Variants in MCHR2 observed in about 807,000 individuals in gnomAD.
MCHR2 encodes melanin-concentrating hormone receptor 2.
A neutral mutation model predicts 24.8 loss-of-function variants in MCHR2; 15 were observed. The ratio of observed to expected loss-of-function variants is 0.60; its 90% CI spans 0.40 to 0.93. The LOEUF is 0.93. Ranked by LOEUF, MCHR2 falls within the 40% of genes least tolerant of loss-of-function variation. The pLI is 0.00. For synonymous variants in MCHR2, 151 were observed against 147.6 expected, an observed-to-expected ratio of 1.02 and a Z score of -0.17; for missense variants, 386 against 408.7, an observed-to-expected ratio of 0.94 and a Z score of 0.48.
chr6:99,979,295 T>C (rs993471475), intron 1 of MCHR2, among the ~76,000 whole-genome samples: 6 of 152,138 alleles, frequency 3.9e-5, no homozygotes, highest in African/African-American at 1.2e-4. Context: ...AAAGAATCCC[T>C]GCACTTTGCT....
At chr6:99,928,939 A>G (rs1045156114) in intron 5 of MCHR2, among the ~76,000 whole-genome samples, 1 of 151,836 alleles carries the variant, frequency 6.6e-6, no homozygotes, top group Admixed American at 6.6e-5. Flanking sequence ...TAGGGTGTCA[A>G]TTTTGGATCT....
intron 1 of MCHR2, among the ~76,000 whole-genome samples, chr6:99,990,379 T>C (rs1390090054): frequency 3.3e-5 from 5 of 152,118 alleles, no homozygotes; most frequent in Non-Finnish European, 7.4e-5. Flanking sequence ...AAACACACTA[T>C]TTACCCTGTA....
chr6:99,971,703 T>G (rs928727934), intron 1 of MCHR2, among the ~76,000 whole-genome samples: 6 of 152,236 alleles, frequency 3.9e-5, no homozygotes, highest in Non-Finnish European at 7.3e-5. Flanking sequence ...GGGCTTGTCA[T>G]AGATAGCTCT....
intron 1 of MCHR2, among the ~76,000 whole-genome samples, chr6:99,988,434 T>A (rs1347425107): frequency 6.6e-6 from 1 of 152,188 alleles, no homozygotes; most frequent in African/African-American, 2.4e-5. Flanking sequence ...TTAAAGAAAG[T>A]GCAGTCCTTT....
At chr6:99,921,386 A>G in intron 5 of MCHR2, 131 bp from the exon 6 acceptor site, 2 of 770,064 alleles carry the variant, frequency 2.6e-6, no homozygotes, top group Middle Eastern at 2.4e-4. Context: ...TTATATTCCT[A>G]CTTACTTGGT....
intron 1 of MCHR2, among the ~76,000 whole-genome samples, chr6:99,961,133 A>T (rs546512548): frequency 6.6e-6 from 1 of 152,088 alleles, no homozygotes; most frequent in Non-Finnish European, 1.5e-5. Flanking sequence ...ACAAGAAAAA[A>T]ACAACAACCC....
intron 1 of MCHR2, among the ~76,000 whole-genome samples, chr6:99,984,162 A>G (rs1444572382): frequency 6.6e-6 from 1 of 152,146 alleles, no homozygotes; most frequent in Admixed American, 6.5e-5. Context: ...ACATATATAC[A>G]TACATATATA....
chr6:99,955,655 G>C (rs568224745), intron 2 of MCHR2, among the ~76,000 whole-genome samples: 1 of 152,034 alleles, frequency 6.6e-6, no homozygotes, highest in Non-Finnish European at 1.5e-5. Context: ...TGCATATCAG[G>C]AGTTTTTAAA....
intron 1 of MCHR2, among the ~76,000 whole-genome samples, chr6:99,966,387 C>T (rs527507978): frequency 6.6e-6 from 1 of 152,040 alleles, no homozygotes; most frequent in Non-Finnish European, 1.5e-5. Flanking sequence ...TTTGTGAATC[C>T]TTGTCATATT....
Position 99,934,473 on chromosome 6 carries a change from G to A in MCHR2, c.632C>T (p.Pro211Leu), listed in dbSNP as rs1446824506. Residue 211 changes from proline (P) to leucine (L), a missense_variant, in exon 5 of 6, where the codon CCC becomes CTC. Coordinates refer to ENST00000281806, the MANE Select transcript of MCHR2 (RefSeq NM_001040179.2). Reference sequence around the variant, plus strand: ...TAAAATATAGCACACCAAAATCAAGGGTAGAGGGAAAAAAAAAGTTGTTAT... The same window carrying A: ...TAAAATATAGCACACCAAAATCAAGAGTAGAGGGAAAAAAAAAGTTGTTAT... ...LTITTFFFPL[P>L]LILVCYILIL... 4 of 1,601,448 alleles carry A rather than the reference G, an allele frequency of 2.5e-6. No homozygotes were observed. Among genetic ancestry groups the A allele is most frequent in the Non-Finnish European group, 3.4e-6 (4 of 1,174,782 alleles).
intron 1 of MCHR2, among the ~76,000 whole-genome samples, chr6:99,968,100 A>T (rs1359811274): frequency 6.6e-6 from 1 of 152,196 alleles, no homozygotes; most frequent in Non-Finnish European, 1.5e-5. Flanking sequence ...AATTAATATC[A>T]GTTATTACAA....
chr6:99,972,083 A>G (rs1464231564), intron 1 of MCHR2, among the ~76,000 whole-genome samples: 16 of 152,122 alleles, frequency 1.1e-4, no homozygotes, highest in Non-Finnish European at 1.8e-4. Context: ...CATAAAATGA[A>G]TTAGGGAGGA....
intron 3 of MCHR2, among the ~76,000 whole-genome samples, chr6:99,947,143 G>A (rs909172741): frequency 1.3e-5 from 2 of 152,128 alleles, no homozygotes; most frequent in Non-Finnish European, 1.5e-5. Flanking sequence ...CCAAGACATA[G>A]TGGAATACAT....
chr6:99,931,897 G>C (rs996660590), intron 5 of MCHR2, among the ~76,000 whole-genome samples: 1 of 152,178 alleles, frequency 6.6e-6, no homozygotes, highest in African/African-American at 2.4e-5. Context: ...CGGTACCTCA[G>C]ATGGAAATGC....
Position 99,921,109 on chromosome 6 carries a change from T to C in MCHR2, c.854A>G (p.Tyr285Cys). The C allele has an allele frequency of 3.1e-6, 5 of 1,614,120 alleles. No individual in the cohort carries two copies. Among genetic ancestry groups the C allele is most frequent in the Non-Finnish European group, 4.2e-6 (5 of 1,179,996 alleles). ...LQMEQPTLAFYVGYYLSICLS... is the reference protein window; with the variant it reads ...LQMEQPTLAFCVGYYLSICLS... ...ACAGATGGAGAGGTAATAACCCACA[T>C]AGAAGGCCAGTGTGGGCTGTTCCAT... The change falls in exon 6 of 6, where the codon TAT (tyrosine) becomes TGT (cysteine). Residue 285 changes from tyrosine (Y) to cysteine (C), a missense_variant. Transcript: ENST00000281806.
At chr6:99,921,973 T>G (rs1307058848) in intron 5 of MCHR2, among the ~76,000 whole-genome samples, 1 of 152,212 alleles carries the variant, frequency 6.6e-6, no homozygotes, top group Admixed American at 6.5e-5. Flanking sequence ...GTTTTATGGC[T>G]GAATAGTACT....
At chr6:99,931,832 G>A (rs1388758713) in intron 5 of MCHR2, among the ~76,000 whole-genome samples, 2 of 152,144 alleles carry the variant, frequency 1.3e-5, no homozygotes, top group African/African-American at 2.4e-5. Flanking sequence ...CGCTCACGGT[G>A]CACTGCATCC....
At chr6:99,970,697 C>G (rs2114567377) in intron 1 of MCHR2, among the ~76,000 whole-genome samples, 1 of 152,254 alleles carries the variant, frequency 6.6e-6, no homozygotes, top group East Asian at 1.9e-4. Flanking sequence ...GGTTTTAGGT[C>G]TAACATGTAA....
In MCHR2 at chr6:99,920,871, C is replaced by T; in HGVS notation, c.*69G>A. On this transcript the variant is annotated 3_prime_UTR_variant, in exon 6 of 6. Coordinates refer to ENST00000281806, the MANE Select transcript of MCHR2 (RefSeq NM_001040179.2). ...GAATGGGCATAAACATATCGGTACA[C>T]CTGCCCTTTCTGATAATACCAGTAA... 3 of 1,464,814 alleles carry T rather than the reference C, an allele frequency of 2.0e-6. No homozygotes were observed. Among genetic ancestry groups the T allele is most frequent in the Admixed American group, 1.8e-5 (1 of 55,972 alleles). The allele number at this position is 1,464,814 out of a possible 1,614,324, so 90.7% of individuals were successfully genotyped here.
Sources: gnomAD v4.1 joint callset for allele counts (sites outside exome capture counted in the v4.1 genomes callset) on GRCh38, gnomAD v4.1.1 for gene constraint, MANE v1.5 for transcripts, NCBI Gene and HGNC (gene_info 2026-07-23, HGNC 2026-07-21) for gene names.